Variants in POLB observed in about 807,000 individuals in gnomAD.
POLB encodes DNA polymerase beta, also known as 5'-dRP lyase.
In POLB, 37 loss-of-function variants were observed where a neutral mutation model predicts 52.7. That is an observed-to-expected ratio of 0.70 (90% confidence interval 0.54 to 0.92). POLB has a LOEUF of 0.92. Among genes scored for constraint, POLB ranks in the 40% least tolerant of loss-of-function variants. The pLI is 0.00. For missense variants in POLB, 313 were observed against 400.8 expected (o/e 0.78, Z 1.87); for synonymous variants, 138 against 131.3 (o/e 1.05, Z -0.35).
intron 6 of POLB, among the ~76,000 whole-genome samples, chr8:42,354,248 G>A (rs1405365905): frequency 2.0e-5 from 3 of 152,054 alleles, no homozygotes; most frequent in Admixed American, 6.6e-5. Context: ...ATACTTTAGC[G>A]TTTTCTGTGT....
chr8:42,343,166 CA>C (rs1339693499), intron 2 of POLB, among the ~76,000 whole-genome samples: 1 of 150,846 alleles, frequency 6.6e-6, no homozygotes, highest in South Asian at 2.1e-4. Context: ...ACTAAAAATG[CA>C]AAAAATTAGC....
intron 2 of POLB, among the ~76,000 whole-genome samples, chr8:42,344,739 C>T (rs1281248246): frequency 4.0e-5 from 6 of 151,794 alleles, no homozygotes; most frequent in African/African-American, 7.3e-5. Context: ...CACTTGAACC[C>T]GGGAGGCGGA....
chr8:42,350,056 G>A lies in POLB; in HGVS notation c.311G>A (p.Ser104Asn). The A allele has an allele frequency of 7.5e-6, 12 of 1,593,118 alleles. No homozygotes were observed. Among genetic ancestry groups the A allele is most frequent in the Non-Finnish European group, 1.0e-5 (12 of 1,160,882 alleles). ...SSSINFLTRV[S>N]GIGPSAARKF... is the part of the protein sequence containing the mutation. ...TCCATCAATTTCCTGACTCGAGTTA[G>A]TGGCATTGGGTAAGAACTATTTTTT... Residue 104 changes from serine (S) to asparagine (N), a missense_variant, in exon 5 of 14, where the codon AGT becomes AAT. Coordinates refer to ENST00000265421, the MANE Select transcript of POLB (RefSeq NM_002690.3).
At chr8:42,351,996 C>A (rs1225415639) in intron 5 of POLB, among the ~76,000 whole-genome samples, 6 of 152,160 alleles carry the variant, frequency 3.9e-5, no homozygotes, top group Non-Finnish European at 7.3e-5. Context: ...CTCTTTGATC[C>A]CCTAGATAGC....
chr8:42,339,255 A>G, intron 2 of POLB, 186 bp downstream of exon 2: 1 of 606,686 alleles, frequency 1.6e-6, no homozygotes, highest in Non-Finnish European at 3.0e-6. Flanking sequence ...ATCAGTTCAG[A>G]TAAGTTCCCA....
intron 2 of POLB, among the ~76,000 whole-genome samples, chr8:42,343,900 G>A (rs1224449502): frequency 6.6e-6 from 1 of 152,100 alleles, no homozygotes; most frequent in South Asian, 2.1e-4. Flanking sequence ...GGAGGCCAAG[G>A]TGGGCAGATC....
rs1476127435 is a variant in POLB at position 42,338,632 on chromosome 8, AACGGAAG to A, written c.9_15del (p.Lys5ArgfsTer23). The A allele has an allele frequency of 3.1e-6, 5 of 1,614,134 alleles. No individual in the cohort carries two copies. On this transcript the variant is annotated frameshift_variant, in exon 1 of 14. Coordinates refer to ENST00000265421, the MANE Select transcript of POLB (RefSeq NM_002690.3). LOFTEE classifies it high-confidence loss of function. Reference sequence around the variant, plus strand: ...TCTCGGGTGCAGGCCGCCATGAGCAAACGGAAGGCGCCGCAGGAGACTCTCAACGGGG... The same window carrying A: ...TCTCGGGTGCAGGCCGCCATGAGCAAGCGCCGCAGGAGACTCTCAACGGGG...
chr8:42,338,722 T>A (rs776167021), intron 1 of POLB, 37 bp downstream of exon 1: 1 of 1,591,356 alleles, frequency 6.3e-7, no homozygotes, highest in Non-Finnish European at 8.6e-7. Flanking sequence ...CTTTCTTCTT[T>A]CCTTCCAGCC....
At chr8:42,364,162 G>A in intron 11 of POLB, among the ~76,000 whole-genome samples, 1 of 152,012 alleles carries the variant, frequency 6.6e-6, no homozygotes, top group East Asian at 1.9e-4. Flanking sequence ...CCTGACCTCA[G>A]GTGATCCGCC....
intron 6 of POLB, 50 bp downstream of exon 6, chr8:42,352,618 G>T: frequency 1.9e-6 from 2 of 1,057,680 alleles, no homozygotes; most frequent in South Asian, 2.5e-5. Flanking sequence ...GGTCCTGAAG[G>T]ACCATTAGTG....
chr8:42,362,171 A>G (rs1823737546), intron 10 of POLB, among the ~76,000 whole-genome samples: 1 of 152,058 alleles, frequency 6.6e-6, no homozygotes, highest in Non-Finnish European at 1.5e-5. Flanking sequence ...GAGGCAGGAG[A>G]ATCGCTTGAA....
chr8:42,342,078 TG>T (rs1822237145), intron 2 of POLB: 1 of 1,021,696 alleles, frequency 9.8e-7, no homozygotes, highest in Admixed American at 1.7e-5. Flanking sequence ...AATTCTGCAT[TG>T]AATTCCTTGC....
intron 3 of POLB, among the ~76,000 whole-genome samples, chr8:42,348,778 A>G (rs1822787288): frequency 6.6e-6 from 1 of 152,244 alleles, no homozygotes; most frequent in Non-Finnish European, 1.5e-5. Flanking sequence ...CCATAAAACA[A>G]AAGTTAATTT....
At chr8:42,362,776 A>T (rs1823783780) in intron 11 of POLB, 78 bp downstream of exon 11, 9 of 743,972 alleles carry the variant, frequency 1.2e-5, no homozygotes, top group Non-Finnish European at 1.9e-5. Flanking sequence ...GTGTGACTTC[A>T]TGGTAGCTTT....
chr8:42,368,631 A>C (rs1028285616), intron 11 of POLB, among the ~76,000 whole-genome samples: 1 of 152,174 alleles, frequency 6.6e-6, no homozygotes, highest in Non-Finnish European at 1.5e-5. Flanking sequence ...TTTTGTTTGG[A>C]AATTGTAGAA....
rs1821991580 is a variant in POLB at position 42,338,618 on chromosome 8, G to C, written c.-7G>C. On this transcript the variant is annotated 5_prime_UTR_variant, in exon 1 of 14. Coordinates refer to ENST00000265421, the MANE Select transcript of POLB (RefSeq NM_002690.3). Reference sequence around the variant, plus strand: ...GAACACTCTGGGGTTCTCGGGTGCAGGCCGCCATGAGCAAACGGAAGGCGC... The same window carrying C: ...GAACACTCTGGGGTTCTCGGGTGCACGCCGCCATGAGCAAACGGAAGGCGC... The C allele has an allele frequency of 6.2e-7, 1 of 1,613,814 alleles. No individual in the cohort carries two copies. Among genetic ancestry groups the C allele is most frequent in the African/African-American group, 1.3e-5 (1 of 74,952 alleles).
chr8:42,366,500 A>G (rs1824046465), intron 11 of POLB, among the ~76,000 whole-genome samples: 1 of 152,190 alleles, frequency 6.6e-6, no homozygotes, highest in African/African-American at 2.4e-5. Flanking sequence ...GTGGTTTTTG[A>G]CAAAGTTTGG....
Position 42,357,201 on chromosome 8 carries a change from G to C in POLB, c.455G>C (p.Arg152Pro). ...GGGGACTTTGAAAAAAGAATTCCTC[G>C]TGAAGAGATGTTACAAATGCAAGTA... The part of the protein sequence containing the change: ...YFGDFEKRIP[R>P]EEMLQMQDIV... Residue 152 changes from arginine (R) to proline (P), a missense_variant, in exon 8 of 14, where the codon CGT becomes CCT. Around this residue, in one of 3 missense-constraint regions of POLB, gnomAD observed 246 missense variants for 297.6 expected, o/e 0.83. Coordinates refer to ENST00000265421, the MANE Select transcript of POLB (RefSeq NM_002690.3). 6.4e-7 allele frequency: 1 copy of C among 1,554,574 alleles called. No individual in the cohort carries two copies. Among genetic ancestry groups the C allele is most frequent in the Non-Finnish European group, 8.9e-7 (1 of 1,126,894 alleles).
Position 42,338,660 on chromosome 8 carries a change from C to T in POLB, c.36C>T (p.Asn12=). ...SKRKAPQETL[N]GGITDMLTEL... is the part of the protein sequence containing the mutation. Reference sequence around the variant, plus strand: ...GGAAGGCGCCGCAGGAGACTCTCAACGGGGGAATCACCGACATGCTCACAG... The same window carrying T: ...GGAAGGCGCCGCAGGAGACTCTCAATGGGGGAATCACCGACATGCTCACAG... The change falls in exon 1 of 14, where the codon AAC becomes AAT. Residue 12 remains asparagine (N), a synonymous_variant. Coordinates refer to ENST00000265421, the MANE Select transcript of POLB (RefSeq NM_002690.3). 6.2e-7 allele frequency: 1 copy of T among 1,614,158 alleles called. No individual in the cohort carries two copies. Among genetic ancestry groups the T allele is most frequent in the Non-Finnish European group, 8.5e-7 (1 of 1,179,966 alleles).
Sources: allele counts gnomAD v4.1 joint callset (sites outside exome capture counted in the v4.1 genomes callset), GRCh38; gene constraint gnomAD v4.1.1; regional missense constraint gnomAD v4.1.1; transcripts MANE v1.5; gene names NCBI Gene and HGNC (gene_info 2026-07-23, HGNC 2026-07-21).